Variants in ME3 observed in about 807,000 individuals in gnomAD.
The protein encoded by ME3 is malic enzyme 3.
Under a neutral mutation model 68.9 loss-of-function variants are expected in ME3, and 48 were observed. That is an observed-to-expected ratio of 0.70 (90% CI 0.55 to 0.89). ME3 has a LOEUF of 0.89. Ranked by LOEUF, ME3 falls within the 40% of genes least tolerant of loss-of-function variation. The pLI is 0.00. For missense variants in ME3, 675 were observed against 797.4 expected, an observed-to-expected ratio of 0.85 and a Z score of 1.85; for synonymous variants, 320 against 318.8, an observed-to-expected ratio of 1.00 and a Z score of -0.04.
At chr11:86,538,678 G>A (rs1383183433) in intron 4 of ME3, among the ~76,000 whole-genome samples, 1 of 151,992 alleles carries the variant, frequency 6.6e-6, no homozygotes, top group African/African-American at 2.4e-5. Flanking sequence ...TCATGCTTCG[G>A]TTAGTACTGT....
chr11:86,545,809 A>T (rs1279639283), intron 4 of ME3, among the ~76,000 whole-genome samples: 1 of 152,194 alleles, frequency 6.6e-6, no homozygotes, highest in Non-Finnish European at 1.5e-5. Context: ...ATTAGAAAAA[A>T]CTACTTTAAA....
At chr11:86,611,492 G>C (rs968128062) in intron 2 of ME3, among the ~76,000 whole-genome samples, 2 of 150,818 alleles carry the variant, frequency 1.3e-5, no homozygotes, top group African/African-American at 2.4e-5. Context: ...GTTAATTCGC[G>C]TGATTGTGGT....
rs186311188 is a variant in ME3, at chr11:86,528,541, A to C, written c.468-19674T>G. 2.8e-4 allele frequency among the ~76,000 whole-genome samples: 43 copies of C among 152,308 alleles called. No homozygotes were observed. In the East Asian group the frequency reaches 7.9e-3, roughly 28 times the overall value. ...TCTACAGAACTCTCCACCCCAAATC[A>C]ACAGAATATACATTCTTTTCAGCAC... On this transcript the variant is annotated intron_variant, in intron 4 of 14. Transcript: ENST00000543262.
At chr11:86,644,907 AG>A in intron 2 of ME3, among the ~76,000 whole-genome samples, 1 of 152,212 alleles carries the variant, frequency 6.6e-6, no homozygotes, top group Admixed American at 6.5e-5. Context: ...CAGCCCATAG[AG>A]GGTGAACAGA....
chr11:86,617,045 GTTTTT>G (rs563738961), intron 2 of ME3, among the ~76,000 whole-genome samples: 2,386 of 55,944 alleles, frequency 0.043, 34 homozygotes, highest in Middle Eastern at 0.11. Flanking sequence ...CAAGATAGTA[GTTTTT>G]TTTTTTTTTT....
intron 2 of ME3, among the ~76,000 whole-genome samples, chr11:86,591,172 G>C (rs1959034148): frequency 6.9e-6 from 1 of 144,300 alleles, no homozygotes; most frequent in Admixed American, 7.2e-5. Context: ...GGTCAGATTA[G>C]CTGCCAAAGC....
intron 4 of ME3, among the ~76,000 whole-genome samples, chr11:86,521,425 A>ATAAT (rs1555221553): frequency 2.5e-5 from 3 of 118,304 alleles, no homozygotes; most frequent in South Asian, 2.6e-4. Context: ...AAACAAAACA[A>ATAAT]AACAAAAATA....
At chr11:86,549,628 G>C (rs1348843140) in intron 4 of ME3, among the ~76,000 whole-genome samples, 2 of 152,214 alleles carry the variant, frequency 1.3e-5, no homozygotes, top group Admixed American at 6.5e-5. Context: ...CCTGATGTTT[G>C]CTCCTATCTA....
At chr11:86,548,377 A>C (rs1198848254) in intron 4 of ME3, among the ~76,000 whole-genome samples, 1 of 152,218 alleles carries the variant, frequency 6.6e-6, no homozygotes, top group African/African-American at 2.4e-5. Context: ...TAACAGCTGA[A>C]CAACCTTATG....
intron 14 of ME3, 112 bp downstream of exon 14, chr11:86,442,709 C>G: frequency 1.1e-6 from 1 of 872,194 alleles, no homozygotes; most frequent in South Asian, 1.8e-5. Context: ...TAGTGCAGCT[C>G]AAGGAGATCC....
intron 2 of ME3, among the ~76,000 whole-genome samples, chr11:86,566,188 G>T (rs1957472565): frequency 6.6e-6 from 1 of 152,194 alleles, no homozygotes; most frequent in Non-Finnish European, 1.5e-5. Context: ...TCCCCATGGG[G>T]ACTGTGCTGG....
At chr11:86,456,729 C>T (rs1235460084) in intron 8 of ME3, among the ~76,000 whole-genome samples, 1 of 152,094 alleles carries the variant, frequency 6.6e-6, no homozygotes, top group East Asian at 1.9e-4. Flanking sequence ...GGGAGGGGAG[C>T]TCAGAACAAT....
chr11:86,601,805 C>A (rs949130877), intron 2 of ME3, among the ~76,000 whole-genome samples: 3 of 151,766 alleles, frequency 2.0e-5, no homozygotes, highest in South Asian at 2.1e-4. Context: ...CAATATACAC[C>A]AATAAATAAA....
intron 4 of ME3, among the ~76,000 whole-genome samples, chr11:86,530,977 CA>C (rs1248014757): frequency 1.3e-5 from 2 of 151,916 alleles, no homozygotes; most frequent in South Asian, 4.2e-4. Flanking sequence ...GCAATGGCAA[CA>C]AAAGCCAAAA....
At chr11:86,556,609 G>A (rs1306169869) in exon 4 of ME3, 3 of 1,614,158 alleles carry the variant, frequency 1.9e-6, no homozygotes, top group Non-Finnish European at 2.5e-6. Context: ...CGGTAGGCGT[G>A]TACACGATTG....
intron 2 of ME3, among the ~76,000 whole-genome samples, chr11:86,624,463 T>G (rs1943536639): frequency 1.3e-5 from 2 of 152,292 alleles, no homozygotes; most frequent in South Asian, 4.1e-4. Context: ...TTGAGAACAC[T>G]CCTCTATTCT....
intron 2 of ME3, among the ~76,000 whole-genome samples, chr11:86,584,955 A>T (rs529236425): frequency 1.3e-5 from 2 of 152,354 alleles, no homozygotes; most frequent in African/African-American, 4.8e-5. Flanking sequence ...TGTTCTCACC[A>T]CAGTGAAAAA....
intron 4 of ME3, among the ~76,000 whole-genome samples, chr11:86,549,214 C>A (rs1956537840): frequency 6.6e-6 from 1 of 152,174 alleles, no homozygotes; most frequent in African/African-American, 2.4e-5. Flanking sequence ...ACTTAAGTTA[C>A]CTCTGGAGAA....
At chr11:86,660,595 T>TAA (rs1946210922) in intron 2 of ME3, among the ~76,000 whole-genome samples, 4 of 152,342 alleles carry the variant, frequency 2.6e-5, no homozygotes, top group Non-Finnish European at 5.9e-5. Context: ...CCTCGATTTT[T>TAA]AGCCTTTGAG....
Sources: allele counts gnomAD v4.1 joint callset (sites outside exome capture counted in the v4.1 genomes callset), GRCh38; gene constraint gnomAD v4.1.1; transcripts MANE v1.5; gene names NCBI Gene and HGNC (gene_info 2026-07-23, HGNC 2026-07-21).